Variants in SHLD2 observed in about 807,000 individuals in gnomAD.
SHLD2 encodes RINN1-REV7-interacting novel NHEJ regulator 2.
A neutral mutation model predicts 73.2 loss-of-function variants in SHLD2; 30 were observed. That is an observed-to-expected ratio of 0.41 (90% CI 0.31 to 0.56). SHLD2 has a LOEUF of 0.56. Among genes scored for constraint, SHLD2 ranks in the 20% least tolerant of loss-of-function variants. The probability of loss-of-function intolerance (pLI) is 0.28; values close to 1 mark genes in which losing one functional copy is unlikely to be tolerated. For missense variants in SHLD2, 745 were observed against 1,055.9 expected (o/e 0.71, Z 4.08); for synonymous variants, 285 against 370.1 (o/e 0.77, Z 2.64).
At chr10:87,156,067 CTTT>C (rs1223191446) in intron 3 of SHLD2, among the ~76,000 whole-genome samples, 7 of 134,912 alleles carry the variant, frequency 5.2e-5, no homozygotes, top group Non-Finnish European at 4.8e-5. Flanking sequence ...AGAAATCTTC[CTTT>C]TTTTTTTTTT....
chr10:87,129,773 G>A lies in SHLD2; in HGVS notation c.-5-21577G>A, dbSNP rs965842565. 1.1e-4 allele frequency among the ~76,000 whole-genome samples: 17 copies of A among 151,426 alleles called. 1 individual carries two copies. The South Asian group carries it at 1.9e-3, about 17-fold the overall frequency. On this transcript the variant is annotated intron_variant, in intron 2 of 9. Coordinates refer to ENST00000298786, the MANE Select transcript of SHLD2 (RefSeq NM_001330112.2). Reference sequence around the variant, plus strand: ...GTAGCTGGTACTACAGGCCTGCACCGCCAAACCTAGCTAACTTTTTTGATT... The same window carrying A: ...GTAGCTGGTACTACAGGCCTGCACCACCAAACCTAGCTAACTTTTTTGATT...
intron 2 of SHLD2, among the ~76,000 whole-genome samples, chr10:87,147,303 AT>A (rs1020950508): frequency 2.6e-5 from 4 of 152,104 alleles, no homozygotes; most frequent in African/African-American, 9.6e-5. Context: ...TATGAATGGG[AT>A]TGGATGAAAT....
chr10:87,123,828 A>G (rs1843795939), intron 2 of SHLD2, among the ~76,000 whole-genome samples: 1 of 152,208 alleles, frequency 6.6e-6, no homozygotes, highest in South Asian at 2.1e-4. Context: ...CTTGGAATTG[A>G]AAGTGTTTAG....
At chr10:87,146,680 T>C (rs898815066) in intron 2 of SHLD2, among the ~76,000 whole-genome samples, 1 of 152,004 alleles carries the variant, frequency 6.6e-6, no homozygotes, top group African/African-American at 2.4e-5. Flanking sequence ...CCTTCTTCCA[T>C]TGTGGCCCAG....
At chr10:87,129,846 T>C (rs1229202949) in intron 2 of SHLD2, among the ~76,000 whole-genome samples, 1 of 151,974 alleles carries the variant, frequency 6.6e-6, no homozygotes, top group Non-Finnish European at 1.5e-5. Flanking sequence ...TCTCGAACTC[T>C]TAAGCGCCAA....
In SHLD2 at chr10:87,152,599, G is replaced by A; in HGVS notation, c.1245G>A (p.Met415Ile). Reference protein sequence around the residue: ...ISNGGDSAVEMDRRNVSEFKS... With the variant: ...ISNGGDSAVEIDRRNVSEFKS... ...ATGGAGGAGATTCTGCTGTAGAAAT[G>A]GATCGGAGAAATGTGTCTGAATTTA... The change falls in exon 3 of 10, where the codon ATG (methionine) becomes ATA (isoleucine). Residue 415 changes from methionine (M) to isoleucine (I), a missense_variant. Around this residue, in one of 5 missense-constraint regions of SHLD2, gnomAD observed 418 missense variants for 567.8 expected, o/e 0.74. Transcript: ENST00000298786. The A allele has an allele frequency of 3.7e-6, 6 of 1,606,570 alleles. No individual in the cohort carries two copies. The highest frequency in any genetic ancestry group is 5.1e-6 in the Non-Finnish European group (6 of 1,178,558).
At chr10:87,162,421 T>C (rs1211433079) in intron 4 of SHLD2, among the ~76,000 whole-genome samples, 1 of 152,180 alleles carries the variant, frequency 6.6e-6, no homozygotes, top group Non-Finnish European at 1.5e-5. Context: ...AGGCTGGGTG[T>C]GGTTGTTCAC....
At chr10:87,144,871 C>G (rs1038380459) in intron 2 of SHLD2, among the ~76,000 whole-genome samples, 17 of 150,714 alleles carry the variant, frequency 1.1e-4, no homozygotes, top group Admixed American at 1.1e-3. Context: ...CGTGATCTGC[C>G]CGCCTCAGCC....
chr10:87,138,067 A>T (rs979353375), intron 2 of SHLD2, among the ~76,000 whole-genome samples: 2 of 152,156 alleles, frequency 1.3e-5, no homozygotes, highest in Non-Finnish European at 2.9e-5. Flanking sequence ...GAACTTTGGG[A>T]GGTGGGCAGA....
intron 1 of SHLD2, among the ~76,000 whole-genome samples, chr10:87,096,485 A>C (rs1410920743): frequency 6.6e-6 from 1 of 151,834 alleles, no homozygotes; most frequent in Admixed American, 6.6e-5. Context: ...ACGGTGGCTC[A>C]CGCCTGTAAT....
intron 2 of SHLD2, among the ~76,000 whole-genome samples, chr10:87,103,785 G>A (rs1303573830): frequency 1.3e-5 from 2 of 152,084 alleles, no homozygotes; most frequent in Admixed American, 1.3e-4. Context: ...GGCTGGTTTG[G>A]GTAAGTCTTC....
At chr10:87,148,339 T>A (rs1240454302) in intron 2 of SHLD2, among the ~76,000 whole-genome samples, 1 of 152,118 alleles carries the variant, frequency 6.6e-6, no homozygotes, top group Non-Finnish European at 1.5e-5. Context: ...AGAATTCCAA[T>A]ATGGTGGTCT....
At chr10:87,126,290 G>T (rs1844002338) in intron 2 of SHLD2, among the ~76,000 whole-genome samples, 1 of 152,102 alleles carries the variant, frequency 6.6e-6, no homozygotes, top group Non-Finnish European at 1.5e-5. Context: ...ATGTCACCTA[G>T]GCTGGTTTCG....
intron 6 of SHLD2, among the ~76,000 whole-genome samples, chr10:87,174,502 G>A (rs1847813460): frequency 6.7e-6 from 1 of 150,130 alleles, no homozygotes; most frequent in South Asian, 2.1e-4. Flanking sequence ...TGGAATATAT[G>A]CTTTAGTTCT....
intron 2 of SHLD2, among the ~76,000 whole-genome samples, chr10:87,129,772 C>T (rs1019745220): frequency 5.9e-5 from 9 of 151,550 alleles, no homozygotes; most frequent in East Asian, 1.9e-4. Flanking sequence ...AGGCCTGCAC[C>T]GCCAAACCTA....
At chr10:87,097,685 G>A (rs1387996631) in intron 2 of SHLD2, among the ~76,000 whole-genome samples, 1 of 152,142 alleles carries the variant, frequency 6.6e-6, no homozygotes, top group African/African-American at 2.4e-5. Context: ...AATCTCCTGT[G>A]TGTAGGTGCC....
At chr10:87,150,743 G>T (rs1437872297) in intron 2 of SHLD2, among the ~76,000 whole-genome samples, 6 of 151,320 alleles carry the variant, frequency 4.0e-5, no homozygotes, top group African/African-American at 1.5e-4. Context: ...CTGGGCAACA[G>T]AGCAAGACTC....
At chr10:87,133,257 G>A (rs1381655050) in intron 2 of SHLD2, among the ~76,000 whole-genome samples, 1 of 151,670 alleles carries the variant, frequency 6.6e-6, no homozygotes, top group African/African-American at 2.4e-5. Context: ...GTGCCCAATT[G>A]GTTTCTTTTA....
chr10:87,106,319 T>G (rs1051342227), intron 2 of SHLD2, among the ~76,000 whole-genome samples: 3 of 152,242 alleles, frequency 2.0e-5, no homozygotes, highest in African/African-American at 7.2e-5. Context: ...GGAATAATTG[T>G]TAGACAACTC....
Sources: gnomAD v4.1 joint callset for allele counts (sites outside exome capture counted in the v4.1 genomes callset) on GRCh38, gnomAD v4.1.1 for gene constraint, gnomAD v4.1.1 regional missense constraint, MANE v1.5 for transcripts, NCBI Gene and HGNC (gene_info 2026-07-23, HGNC 2026-07-21) for gene names.